Variants in NDUFAF2 observed in about 807,000 individuals in gnomAD.
NDUFAF2 encodes NADH dehydrogenase [ubiquinone] 1 alpha subcomplex assembly factor 2.
NDUFAF2 carries 13 observed loss-of-function variants against 22.8 expected under a neutral mutation model. The observed-to-expected ratio is 0.57, with a 90% confidence interval of 0.37 to 0.91. The LOEUF (loss-of-function observed/expected upper bound fraction) is 0.91, where lower values mean the gene tolerates loss of function less well. Ranked by LOEUF, NDUFAF2 falls within the 40% of genes least tolerant of loss-of-function variation. NDUFAF2 has a pLI of 0.01. For missense variants in NDUFAF2, 162 were observed against 195.2 expected, an observed-to-expected ratio of 0.83 and a Z score of 1.01; for synonymous variants, 53 against 64.2, an observed-to-expected ratio of 0.83 and a Z score of 0.84.
rs908299292 is a variant in NDUFAF2 at position 61,123,305 on chromosome 5, G to C, written c.258+24273G>C. ...CACTTGATGACAGGTAGGTCATTTC[G>C]TCGTCGTGCAAATATCAGAGTGTAC... is the stretch of plus-strand genomic sequence containing the variant. On this transcript the variant is annotated intron_variant, in intron 3 of 3. Transcript: ENST00000296597. Among the ~76,000 whole-genome samples the C allele has an allele frequency of 1.3e-5, 2 of 152,062 alleles. 1 individual carries two copies. The highest frequency in any genetic ancestry group is 2.9e-5 in the Non-Finnish European group (2 of 68,012).
chr5:61,110,210 G>A (rs925153262), intron 3 of NDUFAF2, among the ~76,000 whole-genome samples: 1 of 151,656 alleles, frequency 6.6e-6, no homozygotes, highest in African/African-American at 2.4e-5. Flanking sequence ...GTATTTTGTT[G>A]AGGATTTTTG....
chr5:61,114,315 G>A (rs1312612660), intron 3 of NDUFAF2: 1 of 152,032 alleles, frequency 6.6e-6, no homozygotes, highest in African/African-American at 2.4e-5. Flanking sequence ...GCTGTTAAGA[G>A]ACTCTGATGC....
chr5:61,128,301 TA>T (rs1753063748), intron 3 of NDUFAF2, among the ~76,000 whole-genome samples: 1 of 152,112 alleles, frequency 6.6e-6, no homozygotes, highest in South Asian at 2.1e-4. Context: ...AAAACTACTT[TA>T]AAGTTCATAT....
intron 1 of NDUFAF2, among the ~76,000 whole-genome samples, chr5:61,048,598 A>T (rs1030011255): frequency 1.3e-5 from 2 of 152,184 alleles, no homozygotes; most frequent in African/African-American, 4.8e-5. Context: ...GTCAGAAGCT[A>T]TCTCCCAGGC....
chr5:61,067,883 T>G (rs941423877), intron 1 of NDUFAF2, among the ~76,000 whole-genome samples: 1 of 152,160 alleles, frequency 6.6e-6, no homozygotes, highest in African/African-American at 2.4e-5. Context: ...CTCACTGTGG[T>G]TTTGATTTGC....
At chr5:61,127,823 G>T (rs1753056567) in intron 3 of NDUFAF2, among the ~76,000 whole-genome samples, 1 of 152,072 alleles carries the variant, frequency 6.6e-6, no homozygotes, top group Non-Finnish European at 1.5e-5. Context: ...GAAATAAAGG[G>T]TATTCAGTTA....
At chr5:61,139,897 G>A (rs1741024623) in intron 3 of NDUFAF2, among the ~76,000 whole-genome samples, 1 of 152,196 alleles carries the variant, frequency 6.6e-6, no homozygotes, top group African/African-American at 2.4e-5. Flanking sequence ...AAAGGCTCCT[G>A]ACTCAGCCAT....
chr5:60,976,066 A>G (rs1213264591), intron 1 of NDUFAF2, among the ~76,000 whole-genome samples: 2 of 152,230 alleles, frequency 1.3e-5, no homozygotes, highest in African/African-American at 4.8e-5. Context: ...AAGAACTGCT[A>G]ATCTTTGTTC....
intron 1 of NDUFAF2, among the ~76,000 whole-genome samples, chr5:61,016,309 A>G (rs1046881289): frequency 1.3e-5 from 2 of 152,204 alleles, no homozygotes; most frequent in Non-Finnish European, 2.9e-5. Flanking sequence ...CGGCAGAGGA[A>G]GGGAGTGGTA....
At chr5:61,013,568 T>TA (rs1751468399) in intron 1 of NDUFAF2, among the ~76,000 whole-genome samples, 1 of 152,182 alleles carries the variant, frequency 6.6e-6, no homozygotes, top group Non-Finnish European at 1.5e-5. Context: ...AAGCCAGTTT[T>TA]AAAAAATTCA....
At chr5:61,141,990 T>C (rs1448551073) in intron 3 of NDUFAF2, among the ~76,000 whole-genome samples, 1 of 152,172 alleles carries the variant, frequency 6.6e-6, no homozygotes, top group Non-Finnish European at 1.5e-5. Flanking sequence ...CTTGCCTTTC[T>C]GCCATTTCTT....
chr5:61,059,767 G>A (rs1213397806), intron 1 of NDUFAF2, among the ~76,000 whole-genome samples: 1 of 152,108 alleles, frequency 6.6e-6, no homozygotes, highest in East Asian at 1.9e-4. Flanking sequence ...TTATCTGTAA[G>A]ACTTCTATAA....
chr5:60,980,774 T>C (rs959162693), intron 1 of NDUFAF2, among the ~76,000 whole-genome samples: 3 of 151,834 alleles, frequency 2.0e-5, no homozygotes, highest in Non-Finnish European at 4.4e-5. Context: ...AATTCTGGAG[T>C]TGACAAATGC....
At chr5:61,146,520 G>A (rs1741140803) in intron 3 of NDUFAF2, 1 of 152,132 alleles carries the variant, frequency 6.6e-6, no homozygotes, top group South Asian at 2.1e-4. Context: ...TCATTTTTAA[G>A]ATGTTTTCAC....
At chr5:60,999,930 TG>T (rs1282455500) in intron 1 of NDUFAF2, among the ~76,000 whole-genome samples, 1 of 152,158 alleles carries the variant, frequency 6.6e-6, no homozygotes, top group African/African-American at 2.4e-5. Context: ...TGTTTTTCAC[TG>T]TTTGCAAATC....
chr5:60,981,134 T>C (rs1244559960), intron 1 of NDUFAF2, among the ~76,000 whole-genome samples: 1 of 152,074 alleles, frequency 6.6e-6, no homozygotes, highest in Non-Finnish European at 1.5e-5. Flanking sequence ...CCTGAAGACA[T>C]TTAATAATCA....
chr5:61,120,092 C>T (rs568318185), intron 3 of NDUFAF2, among the ~76,000 whole-genome samples: 20 of 151,984 alleles, frequency 1.3e-4, no homozygotes, highest in African/African-American at 3.4e-4. Context: ...ACTTAACTAC[C>T]GTAATAAATA....
chr5:61,067,648 T>G (rs887885616), intron 1 of NDUFAF2, among the ~76,000 whole-genome samples: 3 of 152,194 alleles, frequency 2.0e-5, no homozygotes, highest in East Asian at 1.9e-4. Flanking sequence ...ATAGCAGCAT[T>G]ATTTGTAGTC....
intron 1 of NDUFAF2, among the ~76,000 whole-genome samples, chr5:60,987,139 C>T (rs899665671): frequency 1.3e-5 from 2 of 152,138 alleles, no homozygotes; most frequent in African/African-American, 4.8e-5. Flanking sequence ...TCAGAGACTA[C>T]TATGAGTACC....
Sources: allele counts gnomAD v4.1 joint callset (sites outside exome capture counted in the v4.1 genomes callset), GRCh38; gene constraint gnomAD v4.1.1; transcripts MANE v1.5; gene names NCBI Gene and HGNC (gene_info 2026-07-23, HGNC 2026-07-21).